Variants in FBXL7 observed in about 807,000 individuals in gnomAD.
The protein encoded by FBXL7 is F-box and leucine rich repeat protein 7, also known as F-box/LRR-repeat protein 7.
A neutral mutation model predicts 38.3 loss-of-function variants in FBXL7; 12 were observed. That is an observed-to-expected ratio of 0.31 (90% CI 0.20 to 0.51). The LOEUF (loss-of-function observed/expected upper bound fraction) is 0.51, where lower values mean the gene tolerates loss of function less well. Ranked by LOEUF, FBXL7 falls within the 20% of genes least tolerant of loss-of-function variation. The pLI, the probability that FBXL7 is intolerant of heterozygous loss-of-function variation, is 0.98. For synonymous variants in FBXL7, 297 were observed against 300.9 expected (o/e 0.99, Z 0.13); for missense variants, 567 against 676.4 (o/e 0.84, Z 1.79).
intron 2 of FBXL7, among the ~76,000 whole-genome samples, chr5:15,630,658 C>G (rs775365029): frequency 6.6e-5 from 10 of 152,082 alleles, no homozygotes; most frequent in Non-Finnish European, 1.0e-4. Context: ...GAAACTAGGA[C>G]AGTGTAAAGC....
chr5:15,852,268 G>GA (rs538998294), intron 2 of FBXL7, among the ~76,000 whole-genome samples: 14 of 152,138 alleles, frequency 9.2e-5, no homozygotes, highest in Non-Finnish European at 2.1e-4. Context: ...TCCATTAGTA[G>GA]AAAAAATGAG....
intron 2 of FBXL7, among the ~76,000 whole-genome samples, chr5:15,839,285 G>A (rs1241104633): frequency 6.6e-6 from 1 of 151,698 alleles, no homozygotes; most frequent in Non-Finnish European, 1.5e-5. Flanking sequence ...TCTGCTTTTT[G>A]TGTTCCTTTT....
intron 2 of FBXL7, among the ~76,000 whole-genome samples, chr5:15,663,453 G>T (rs1742159525): frequency 6.6e-6 from 1 of 152,160 alleles, no homozygotes; most frequent in Non-Finnish European, 1.5e-5. Context: ...AATGCTGTCT[G>T]CAGGTTTGTC....
chr5:15,510,868 G>A (rs995933793), intron 1 of FBXL7, among the ~76,000 whole-genome samples: 3 of 152,202 alleles, frequency 2.0e-5, no homozygotes, highest in African/African-American at 7.2e-5. Flanking sequence ...GACAGCCAAT[G>A]AGGCTGGCAC....
intron 2 of FBXL7, among the ~76,000 whole-genome samples, chr5:15,623,475 G>A (rs1490975061): frequency 1.3e-5 from 2 of 152,168 alleles, no homozygotes; most frequent in Non-Finnish European, 2.9e-5. Flanking sequence ...TTGTTCCATG[G>A]AATCTAGAAT....
intron 1 of FBXL7, among the ~76,000 whole-genome samples, chr5:15,536,681 A>C (rs1345042925): frequency 6.6e-6 from 1 of 152,188 alleles, no homozygotes; most frequent in Admixed American, 6.5e-5. Context: ...TTTTGATTTT[A>C]CAGGCTCATA....
In FBXL7 at chr5:15,592,700, G is replaced by A. The variant is rs62347906; in HGVS notation, c.38-23283G>A. On this transcript the variant is annotated intron_variant, in intron 1 of 3. Coordinates refer to ENST00000504595, the MANE Select transcript of FBXL7 (RefSeq NM_012304.5). ...GAAGATTTGTATACACATCTAGTCC[G>A]GACCTTTAGTTTTTGGAGTTGTTTG... 8.1e-3 allele frequency among the ~76,000 whole-genome samples: 1,226 copies of A among 152,166 alleles called. 3 individuals carry two copies. The highest frequency in any genetic ancestry group is 0.014 in the Non-Finnish European group (955 of 68,006).
chr5:15,644,112 A>G (rs80252092), intron 2 of FBXL7, among the ~76,000 whole-genome samples: 6,338 of 152,164 alleles, frequency 0.042, 172 homozygotes, highest in African/African-American at 0.068. Context: ...GCAAGGAGGT[A>G]GAAAATAGTC....
At chr5:15,721,162 A>C (rs1437757769) in intron 2 of FBXL7, among the ~76,000 whole-genome samples, 1 of 152,204 alleles carries the variant, frequency 6.6e-6, no homozygotes, top group Non-Finnish European at 1.5e-5. Context: ...TTTGAAGCTC[A>C]ATATTTTATT....
chr5:15,937,035 C>T lies in FBXL7; in HGVS notation c.1325C>T (p.Thr442Ile). Residue 442 changes from threonine to isoleucine, a missense_variant, in exon 4 of 4, where the codon ACC (threonine) becomes ATC (isoleucine). By Grantham distance (89) the Thr-to-Ile change is moderately conservative. Transcript: ENST00000504595. Reference sequence around the variant, plus strand: ...AGCCTCAAGTCCTGCGAGAGCATCACCGGCCAGGGCTTGCAGATCGTGGCC... The same window carrying T: ...AGCCTCAAGTCCTGCGAGAGCATCATCGGCCAGGGCTTGCAGATCGTGGCC... ...RLSLKSCESI[T>I]GQGLQIVAAN... 1.2e-6 allele frequency: 2 copies of T among 1,614,056 alleles called. No individual in the cohort carries two copies. Among genetic ancestry groups the T allele is most frequent in the Non-Finnish European group, 1.7e-6 (2 of 1,179,908 alleles).
At chr5:15,669,644 G>A (rs889812794) in intron 2 of FBXL7, among the ~76,000 whole-genome samples, 2 of 152,026 alleles carry the variant, frequency 1.3e-5, no homozygotes, top group African/African-American at 4.8e-5. Flanking sequence ...AGCTCCTTCC[G>A]TATTCTTCCT....
intron 1 of FBXL7, among the ~76,000 whole-genome samples, chr5:15,538,390 G>T (rs1285198461): frequency 1.3e-5 from 2 of 152,102 alleles, no homozygotes; most frequent in African/African-American, 4.8e-5. Context: ...CCCAAATTTT[G>T]CTTTTCAATG....
At chr5:15,690,309 A>G (rs1743142004) in intron 2 of FBXL7, among the ~76,000 whole-genome samples, 1 of 152,362 alleles carries the variant, frequency 6.6e-6, no homozygotes, top group African/African-American at 2.4e-5. Flanking sequence ...CCTTTGGTCA[A>G]TGATTAGAAT....
chr5:15,875,382 C>A (rs779544689), intron 2 of FBXL7, among the ~76,000 whole-genome samples: 4 of 152,134 alleles, frequency 2.6e-5, no homozygotes, highest in Non-Finnish European at 5.9e-5. Context: ...GCAATGGCAA[C>A]AAAAGCCAAA....
rs7732993 is a variant in FBXL7, at chr5:15,890,776, C to T, written c.128-37114C>T. On this transcript the variant is annotated intron_variant, in intron 2 of 3. Coordinates refer to ENST00000504595, the MANE Select transcript of FBXL7 (RefSeq NM_012304.5). ...CTAAGGCTCATCTGAAAATGAAGAT[C>T]TACGTGATTGAAGTCTTGAGATTAG... 3.5e-3 allele frequency among the ~76,000 whole-genome samples: 539 copies of T among 152,228 alleles called. 4 individuals are homozygous for T. The highest frequency in any genetic ancestry group is 0.013 in the African/African-American group (520 of 41,536).
Position 15,927,927 on chromosome 5 carries a change from C to T in FBXL7, c.165C>T (p.Ser55=), listed in dbSNP as rs774885771. 1.3e-6 allele frequency: 2 copies of T among 1,550,580 alleles called. No individual in the cohort carries two copies. The highest frequency in any genetic ancestry group is 1.7e-6 in the Non-Finnish European group (2 of 1,147,220). The change falls in exon 3 of 4, where the codon AGC becomes AGT. Residue 55 remains serine, a synonymous_variant. Coordinates refer to ENST00000504595, the MANE Select transcript of FBXL7 (RefSeq NM_012304.5). The part of the protein sequence containing the change: ...DLSMRTLSTP[S]PALICPPNLP... ...GCATGCGCACACTGAGCACGCCCAGCCCAGCCCTGATATGTCCACCGAATC... is the reference window on the plus strand; with the variant it reads ...GCATGCGCACACTGAGCACGCCCAGTCCAGCCCTGATATGTCCACCGAATC...
chr5:15,822,045 A>G (rs892132084), intron 2 of FBXL7, among the ~76,000 whole-genome samples: 1 of 152,022 alleles, frequency 6.6e-6, no homozygotes. Flanking sequence ...CAACCAAATC[A>G]TGTCCCCTAA....
chr5:15,828,358 C>T (rs1262930586), intron 2 of FBXL7, among the ~76,000 whole-genome samples: 1 of 152,152 alleles, frequency 6.6e-6, no homozygotes, highest in African/African-American at 2.4e-5. Flanking sequence ...AAATATATCT[C>T]ATGCATTATT....
chr5:15,857,473 A>G (rs923571473), intron 2 of FBXL7, among the ~76,000 whole-genome samples: 1 of 152,192 alleles, frequency 6.6e-6, no homozygotes, highest in African/African-American at 2.4e-5. Context: ...GAATTAGGCA[A>G]TATGGTCCCA....
Sources: gnomAD v4.1 joint callset for allele counts (sites outside exome capture counted in the v4.1 genomes callset) on GRCh38, gnomAD v4.1.1 for gene constraint, MANE v1.5 for transcripts, NCBI Gene and HGNC (gene_info 2026-07-23, HGNC 2026-07-21) for gene names.